The following ATP10A variants were observed in gnomAD, a reference collection of about 807,000 sequenced individuals.
ATP10A encodes the protein phospholipid-transporting ATPase VA.
A neutral mutation model predicts 147.8 loss-of-function variants in ATP10A; 111 were observed. The observed-to-expected ratio is 0.75, with a 90% confidence interval of 0.64 to 0.88. ATP10A has a LOEUF of 0.88. Among genes scored for constraint, ATP10A ranks in the 40% least tolerant of loss-of-function variants. ATP10A has a pLI of 0.00. For synonymous variants in ATP10A, 875 were observed against 841.6 expected, an observed-to-expected ratio of 1.04 and a Z score of -0.69; for missense variants, 1,927 against 1,959.0, an observed-to-expected ratio of 0.98 and a Z score of 0.31.
At chr15:25,713,071 T>C (rs1281654808) in intron 10 of ATP10A, among the ~76,000 whole-genome samples, 2 of 152,190 alleles carry the variant, frequency 1.3e-5, no homozygotes, top group African/African-American at 4.8e-5. Context: ...TGGCAGGCAG[T>C]AGAGCCTCAG....
At chr15:25,726,696 G>A (rs1444018799) in intron 4 of ATP10A, among the ~76,000 whole-genome samples, 1 of 151,546 alleles carries the variant, frequency 6.6e-6, no homozygotes, top group Non-Finnish European at 1.5e-5. Context: ...GCCCGTCTCA[G>A]CCTCCCAAAG....
intron 1 of ATP10A, among the ~76,000 whole-genome samples, chr15:25,806,513 G>A (rs564547088): frequency 2.0e-5 from 3 of 151,824 alleles, no homozygotes; most frequent in Non-Finnish European, 2.9e-5. Context: ...GGGGTTTCAC[G>A]GTGTTAGCCA....
intron 13 of ATP10A, among the ~76,000 whole-genome samples, chr15:25,697,712 A>T (rs369670523): frequency 1.2e-4 from 18 of 152,344 alleles, no homozygotes; most frequent in African/African-American, 4.3e-4. Context: ...AGAAAACTAT[A>T]ACTCCACACT....
At position 25,683,400 on chromosome 15, in the gene ATP10A, AAAG is replaced by A. The variant is rs1410211801; in HGVS notation, c.3375_3377del (p.Phe1126del). The stretch of plus-strand genomic sequence containing the variant: ...GGGGAAGTGACGAGAAGAGCAGATT[AAAG>A]AAGATTAGATACCACTGGTCAATCA... On this transcript the variant is annotated inframe_deletion, in exon 17 of 21. Coordinates refer to ENST00000555815, the MANE Select transcript of ATP10A (RefSeq NM_024490.4). The A allele has an allele frequency of 1.2e-6, 2 of 1,613,994 alleles. No homozygotes were observed. The highest frequency in any genetic ancestry group is 1.7e-6 in the Non-Finnish European group (2 of 1,180,018).
chr15:25,680,950 C>T lies in ATP10A; in HGVS notation c.3574-36G>A, dbSNP rs369411882. ...GTGGGGTCCTGGATCTGTAGGTCCC[C>T]GGATCCAGCTGGTAAGAAAAACTGC... On this transcript the variant is annotated intron_variant, in intron 18 of 20. Coordinates refer to ENST00000555815, the MANE Select transcript of ATP10A (RefSeq NM_024490.4). 1.4e-5 allele frequency: 23 copies of T among 1,613,438 alleles called. No homozygotes were observed. The Admixed American group carries it at 2.0e-4, about 14-fold the overall frequency.
At chr15:25,799,810 T>C (rs976921766) in intron 1 of ATP10A, among the ~76,000 whole-genome samples, 1 of 152,156 alleles carries the variant, frequency 6.6e-6, no homozygotes, top group African/African-American at 2.4e-5. Flanking sequence ...GGGAATCCAG[T>C]CCAAACACAT....
intron 1 of ATP10A, among the ~76,000 whole-genome samples, chr15:25,837,875 T>A (rs1596980284): frequency 6.6e-6 from 1 of 151,316 alleles, no homozygotes; most frequent in Non-Finnish European, 1.5e-5. Flanking sequence ...GGAAGACGGG[T>A]GGGGAGGGGG....
intron 2 of ATP10A, among the ~76,000 whole-genome samples, chr15:25,756,493 A>C (rs1596823720): frequency 6.6e-6 from 1 of 152,138 alleles, no homozygotes; most frequent in East Asian, 1.9e-4. Context: ...AATACAAAAA[A>C]TTAGCTGGGT....
At chr15:25,782,001 C>G (rs904323283) in intron 1 of ATP10A, among the ~76,000 whole-genome samples, 7 of 152,174 alleles carry the variant, frequency 4.6e-5, no homozygotes, top group Non-Finnish European at 8.8e-5. Context: ...ACAGGTATAG[C>G]AAGCCAATGT....
chr15:25,832,956 T>C (rs1046205947), intron 1 of ATP10A, among the ~76,000 whole-genome samples: 1 of 152,042 alleles, frequency 6.6e-6, no homozygotes, highest in African/African-American at 2.4e-5. Flanking sequence ...TATGTGTCAA[T>C]TACATTTTTT....
chr15:25,735,958 G>T, intron 3 of ATP10A, 98 bp downstream of exon 3: 1 of 1,075,586 alleles, frequency 9.3e-7, no homozygotes, highest in African/African-American at 1.5e-5. Context: ...ATGTGGCAAA[G>T]AGTATTAAAT....
At chr15:25,796,576 A>G (rs115061050) in intron 1 of ATP10A, among the ~76,000 whole-genome samples, 1 of 152,224 alleles carries the variant, frequency 6.6e-6, no homozygotes, top group East Asian at 1.9e-4. Flanking sequence ...CTCATGAGTC[A>G]TCGGGGAGCT....
At chr15:25,858,115 C>G (rs1893595889) in intron 1 of ATP10A, among the ~76,000 whole-genome samples, 1 of 152,158 alleles carries the variant, frequency 6.6e-6, no homozygotes, top group Non-Finnish European at 1.5e-5. Flanking sequence ...AAATTATTTC[C>G]AACAAACATG....
intron 2 of ATP10A, among the ~76,000 whole-genome samples, chr15:25,772,847 A>C (rs1478335645): frequency 1.3e-5 from 2 of 152,186 alleles, no homozygotes; most frequent in Non-Finnish European, 2.9e-5. Flanking sequence ...GGGGAACATA[A>C]GGCCTTCTGA....
chr15:25,717,864 C>T (rs1449676517), intron 8 of ATP10A, among the ~76,000 whole-genome samples: 2 of 152,170 alleles, frequency 1.3e-5, no homozygotes, highest in Admixed American at 1.3e-4. Flanking sequence ...GTTGGCTTTG[C>T]TTTTTAGCGG....
chr15:25,679,468 C>T lies in ATP10A; in HGVS notation c.4373G>A (p.Arg1458Gln), dbSNP rs201372264. ...TTGTCCATCTGCAAGCTGCTCCGTC[C>T]GGGAGAACTGTAAGACACTCCCCAG... ...SRLGSVLQFS[R>Q]TEQLADGQAG... The change falls in exon 21 of 21, where the codon CGG becomes CAG. Residue 1458 changes from arginine to glutamine, a missense_variant. By Grantham distance (43) the Arg-to-Gln change is conservative (BLOSUM62 1). Transcript: ENST00000555815. The T allele has an allele frequency of 1.4e-4, 227 of 1,613,914 alleles. No individual in the cohort carries two copies. The highest frequency in any genetic ancestry group is 1.8e-4 in the Non-Finnish European group (212 of 1,180,002).
chr15:25,767,839 G>A (rs1889109866), intron 2 of ATP10A, among the ~76,000 whole-genome samples: 2 of 152,278 alleles, frequency 1.3e-5, no homozygotes, highest in Non-Finnish European at 2.9e-5. Context: ...GTACTGTGCT[G>A]TAGACAGAGG....
At chr15:25,725,726 C>T (rs1005325115) in intron 5 of ATP10A, among the ~76,000 whole-genome samples, 1 of 152,102 alleles carries the variant, frequency 6.6e-6, no homozygotes, top group Admixed American at 6.5e-5. Flanking sequence ...CCTCCCCCTC[C>T]CGGGTTCAAG....
downstream of ATP10A, among the ~76,000 whole-genome samples, chr15:25,675,970 A>C (rs995575355): frequency 1.3e-5 from 2 of 151,862 alleles, no homozygotes; most frequent in South Asian, 4.2e-4. Flanking sequence ...GGGGAGGGGA[A>C]AGGGGAGGGA....
Sources: gnomAD v4.1 joint callset for allele counts (sites outside exome capture counted in the v4.1 genomes callset) on GRCh38, gnomAD v4.1.1 for gene constraint, MANE v1.5 for transcripts, NCBI Gene and HGNC (gene_info 2026-07-23, HGNC 2026-07-21) for gene names.